Variants in ZFYVE9 observed in about 807,000 individuals in gnomAD.
ZFYVE9 encodes the protein zinc finger FYVE domain-containing protein 9.
ZFYVE9 carries 43 observed loss-of-function variants against 126.7 expected under a neutral mutation model. That is an observed-to-expected ratio of 0.34 (90% CI 0.27 to 0.44). ZFYVE9 has a LOEUF of 0.44. ZFYVE9 is among the 20% of genes least tolerant of loss of function. The pLI, the probability that ZFYVE9 is intolerant of heterozygous loss-of-function variation, is 1.00. For synonymous variants in ZFYVE9, 521 were observed against 597.4 expected (o/e 0.87, Z 1.87); for missense variants, 1,476 against 1,697.0 (o/e 0.87, Z 2.29).
intron 12 of ZFYVE9, among the ~76,000 whole-genome samples, chr1:52,296,633 T>A (rs941933424): frequency 2.0e-5 from 3 of 152,144 alleles, no homozygotes; most frequent in African/African-American, 7.2e-5. Flanking sequence ...ATCCTGGATA[T>A]TTGGACCGTT....
chr1:52,180,848 G>T (rs911006315), intron 1 of ZFYVE9, among the ~76,000 whole-genome samples: 1 of 151,830 alleles, frequency 6.6e-6, no homozygotes, highest in South Asian at 2.1e-4. Flanking sequence ...GGTGGCGCAT[G>T]CCTGTAATCC....
At chr1:52,302,044 C>T (rs1285013464) in intron 12 of ZFYVE9, among the ~76,000 whole-genome samples, 1 of 152,136 alleles carries the variant, frequency 6.6e-6, no homozygotes, top group African/African-American at 2.4e-5. Context: ...TATGTCTCTG[C>T]TTAACATTTT....
chr1:52,157,394 C>CT (rs71579908), intron 1 of ZFYVE9, among the ~76,000 whole-genome samples: 2,164 of 58,356 alleles, frequency 0.037, 498 homozygotes, highest in African/African-American at 0.12. Context: ...ACCATATTCT[C>CT]TTTTTTTTTT....
intron 13 of ZFYVE9, among the ~76,000 whole-genome samples, chr1:52,329,295 C>T (rs111745107): frequency 6.6e-6 from 1 of 152,122 alleles, no homozygotes; most frequent in African/African-American, 2.4e-5. Context: ...TTATACTTCT[C>T]AATTTTAAAA....
intron 13 of ZFYVE9, among the ~76,000 whole-genome samples, chr1:52,318,862 C>A (rs1646211939): frequency 6.6e-6 from 1 of 152,152 alleles, no homozygotes; most frequent in Non-Finnish European, 1.5e-5. Context: ...CTTTGGAGGA[C>A]AAGGTGAGCT....
intron 13 of ZFYVE9, among the ~76,000 whole-genome samples, chr1:52,305,337 G>A (rs1646072623): frequency 6.6e-6 from 1 of 152,170 alleles, no homozygotes; most frequent in South Asian, 2.1e-4. Context: ...GCTGAGGCAG[G>A]AGAATTGCTT....
intron 1 of ZFYVE9, among the ~76,000 whole-genome samples, chr1:52,143,911 T>A (rs1191787519): frequency 6.6e-6 from 1 of 152,238 alleles, no homozygotes; most frequent in Non-Finnish European, 1.5e-5. Flanking sequence ...ATTTTAAGTA[T>A]TTCTTTTAAA....
rs755500340 is a variant in ZFYVE9, at chr1:52,263,762, C to CCG, written c.2179-10_2179-9insGC. ...AAATTTTGTGTGTTCTTCCCCCCCC[C>CCG]CCCCCCACAGGTTTTCTGTGCTTCC... On this transcript the variant is annotated splice_polypyrimidine_tract_variant and intron_variant, in intron 4 of 18. Coordinates refer to ENST00000287727, the MANE Select transcript of ZFYVE9 (RefSeq NM_004799.4). 1 of 935,704 alleles carries CCG rather than the reference C, an allele frequency of 1.1e-6. No individual in the cohort carries two copies. Among genetic ancestry groups the CCG allele is most frequent in the Non-Finnish European group, 1.5e-6 (1 of 649,876 alleles). The allele number at this position is 935,704 out of a possible 1,614,324, so 58.0% of individuals were successfully genotyped here. A position where few individuals can be genotyped will look rare whatever the true frequency, so the allele number is the denominator to read the frequency against.
intron 4 of ZFYVE9, among the ~76,000 whole-genome samples, chr1:52,242,769 C>T (rs1381703187): frequency 6.6e-6 from 1 of 152,118 alleles, no homozygotes; most frequent in Non-Finnish European, 1.5e-5. Flanking sequence ...CATGGCAATT[C>T]ACAGTTTCCC....
chr1:52,260,781 CACT>C (rs1377853021), intron 4 of ZFYVE9, among the ~76,000 whole-genome samples: 1 of 152,128 alleles, frequency 6.6e-6, no homozygotes, highest in African/African-American at 2.4e-5. Flanking sequence ...CACACCATTG[CACT>C]CCAGCCTGGG....
At chr1:52,314,071 T>G (rs1646161107) in intron 13 of ZFYVE9, among the ~76,000 whole-genome samples, 1 of 152,064 alleles carries the variant, frequency 6.6e-6, no homozygotes, top group African/African-American at 2.4e-5. Flanking sequence ...GTTAAAAAAT[T>G]TCCAAATTTA....
chr1:52,214,715 C>T (rs1350220031), intron 1 of ZFYVE9, among the ~76,000 whole-genome samples: 1 of 152,016 alleles, frequency 6.6e-6, no homozygotes, highest in Non-Finnish European at 1.5e-5. Flanking sequence ...TTGGCTCACA[C>T]ATTTATAGAG....
chr1:52,204,891 C>T (rs1023045325), intron 1 of ZFYVE9, among the ~76,000 whole-genome samples: 2 of 152,064 alleles, frequency 1.3e-5, no homozygotes, highest in African/African-American at 4.8e-5. Flanking sequence ...GTTTTTAACT[C>T]GCAGAGTTGT....
intron 1 of ZFYVE9, among the ~76,000 whole-genome samples, chr1:52,204,382 G>A (rs1041976534): frequency 6.6e-6 from 1 of 152,136 alleles, no homozygotes; most frequent in Non-Finnish European, 1.5e-5. Context: ...TATAACCCCA[G>A]CAGGTTAGGC....
Position 52,303,842 on chromosome 1 carries a change from A to G in ZFYVE9, c.3355A>G (p.Thr1119Ala). 6.3e-7 allele frequency: 1 copy of G among 1,591,506 alleles called. No homozygotes were observed. The highest frequency in any genetic ancestry group is 8.6e-7 in the Non-Finnish European group (1 of 1,169,552). Reference protein sequence around the residue: ...LLADFRNYQYTLPVVQGLVVD... With the variant: ...LLADFRNYQYALPVVQGLVVD... The stretch of plus-strand genomic sequence containing the variant: ...CCAGGACTTCAGAAATTACCAGTAT[A>G]CCTTGCCAGTAGTTCAAGGTTTGGT... The change falls in exon 13 of 19, where the codon ACC (threonine) becomes GCC (alanine). Residue 1119 changes from threonine (T) to alanine (A), a missense_variant. Physicochemically the swap from Thr to Ala is moderately conservative, Grantham distance 58. Transcript: ENST00000287727.
intron 8 of ZFYVE9, among the ~76,000 whole-genome samples, chr1:52,275,226 AT>A (rs926194546): frequency 6.6e-6 from 1 of 151,334 alleles, no homozygotes; most frequent in Non-Finnish European, 1.5e-5. Context: ...CCAATGGGTA[AT>A]TTTTTTTTGT....
intron 13 of ZFYVE9, among the ~76,000 whole-genome samples, chr1:52,306,865 CTG>C (rs1171115823): frequency 2.6e-5 from 4 of 152,244 alleles, no homozygotes; most frequent in African/African-American, 9.6e-5. Flanking sequence ...GCATGCCTGA[CTG>C]TGTGCAGTGG....
At chr1:52,296,282 A>C (rs1645974617) in intron 12 of ZFYVE9, among the ~76,000 whole-genome samples, 1 of 151,964 alleles carries the variant, frequency 6.6e-6, no homozygotes, top group Admixed American at 6.6e-5. Context: ...TTGCAGAATT[A>C]TTGTGAGGAC....
At chr1:52,226,485 G>A (rs959546385) in intron 2 of ZFYVE9, among the ~76,000 whole-genome samples, 2 of 152,102 alleles carry the variant, frequency 1.3e-5, no homozygotes, top group Non-Finnish European at 2.9e-5. Flanking sequence ...GCAGTGAGCC[G>A]AGATCATGCC....
Sources: allele counts gnomAD v4.1 joint callset (sites outside exome capture counted in the v4.1 genomes callset), GRCh38; gene constraint gnomAD v4.1.1; transcripts MANE v1.5; gene names NCBI Gene and HGNC (gene_info 2026-07-23, HGNC 2026-07-21).